Variants in ZNF704 observed in about 807,000 individuals in gnomAD.
The protein encoded by ZNF704 is zinc finger protein 704, also known as glucocorticoid induced gene 1.
Under a neutral mutation model 44.7 loss-of-function variants are expected in ZNF704, and 10 were observed. The ratio of observed to expected loss-of-function variants is 0.22; its 90% CI spans 0.14 to 0.38. The LOEUF (loss-of-function observed/expected upper bound fraction) is 0.38, where lower values mean the gene tolerates loss of function less well. Among genes scored for constraint, ZNF704 ranks in the 10% least tolerant of loss-of-function variants. The probability of loss-of-function intolerance (pLI) is 1.00; values close to 1 mark genes in which losing one functional copy is unlikely to be tolerated. For synonymous variants in ZNF704, 211 were observed against 207.6 expected (o/e 1.02, Z -0.14); for missense variants, 390 against 545.5 (o/e 0.71, Z 2.84).
At chr8:80,814,598 G>A (rs1380910712) in intron 2 of ZNF704, among the ~76,000 whole-genome samples, 1 of 152,076 alleles carries the variant, frequency 6.6e-6, no homozygotes, top group African/African-American at 2.4e-5. Flanking sequence ...GTTCTTAAGG[G>A]GAGTCCACCA....
chr8:80,724,591 C>A (rs889000222), intron 2 of ZNF704, among the ~76,000 whole-genome samples: 1 of 152,176 alleles, frequency 6.6e-6, no homozygotes, highest in Non-Finnish European at 1.5e-5. Flanking sequence ...CTCCTGCCTG[C>A]CATTAATGAA....
chr8:80,629,641 T>C lies in ZNF704; in HGVS notation c.*11725A>G, dbSNP rs1168284455. 6.6e-6 allele frequency: 1 copy of C among 152,176 alleles called. No individual in the cohort carries two copies. Among genetic ancestry groups the C allele is most frequent in the African/African-American group, 2.4e-5 (1 of 41,414 alleles). The allele number at this position is 152,176 out of a possible 1,614,324, so 9.4% of individuals were successfully genotyped here. A position where few individuals can be genotyped will look rare whatever the true frequency, so the allele number is the denominator to read the frequency against. ...CAAGAGGGCTGAAGAAATTTGTGGA[T>C]ATTCTATATAGACTTTCCAAAATAT... On this transcript the variant is annotated 3_prime_UTR_variant, in exon 9 of 9. Coordinates refer to ENST00000327835, the MANE Select transcript of ZNF704 (RefSeq NM_001033723.3).
At chr8:80,877,185 GAAAAAA>G (rs5892744), upstream of ZNF704, among the ~76,000 whole-genome samples, 1 of 59,680 alleles carries the variant, frequency 1.7e-5, no homozygotes, top group African/African-American at 5.8e-5. Context: ...CTCTGAATGG[GAAAAAA>G]AAAAAAAAAA....
chr8:80,668,843 C>T (rs1212818181), intron 5 of ZNF704, among the ~76,000 whole-genome samples: 1 of 152,182 alleles, frequency 6.6e-6, no homozygotes, highest in East Asian at 1.9e-4. Flanking sequence ...TGGATAAAGG[C>T]AAATGTATGT....
intron 2 of ZNF704, among the ~76,000 whole-genome samples, chr8:80,805,546 T>A (rs189942249): frequency 3.9e-4 from 60 of 152,338 alleles, no homozygotes; most frequent in Non-Finnish European, 7.2e-4. Flanking sequence ...AGTCAAGGAA[T>A]GAACATACAA....
chr8:80,791,169 G>T (rs936459467), intron 2 of ZNF704, among the ~76,000 whole-genome samples: 1 of 152,140 alleles, frequency 6.6e-6, no homozygotes, highest in Admixed American at 6.5e-5. Context: ...ATGGAATTAG[G>T]ATGAGAGTGT....
In ZNF704 at chr8:80,788,584, T is replaced by C. The variant is rs140817612; in HGVS notation, c.221+32790A>G. 2.4e-3 allele frequency among the ~76,000 whole-genome samples: 366 copies of C among 152,310 alleles called. 1 individual carries two copies. The highest frequency in any genetic ancestry group is 4.0e-3 in the Non-Finnish European group (273 of 68,024). On this transcript the variant is annotated intron_variant, in intron 2 of 8. Coordinates refer to ENST00000327835, the MANE Select transcript of ZNF704 (RefSeq NM_001033723.3). The stretch of plus-strand genomic sequence containing the variant: ...TTTACCTTTTGTTCTCTGAATTTCA[T>C]CTTGTGTCTGCCTGGCAAAAAGTGT...
intron 2 of ZNF704, among the ~76,000 whole-genome samples, chr8:80,808,514 A>G (rs1224651477): frequency 1.3e-5 from 2 of 152,244 alleles, no homozygotes; most frequent in Non-Finnish European, 2.9e-5. Flanking sequence ...GAATGAGTCA[A>G]AAGAGAAACT....
intron 4 of ZNF704, among the ~76,000 whole-genome samples, chr8:80,676,923 C>T (rs775011596): frequency 2.0e-5 from 3 of 152,160 alleles, no homozygotes; most frequent in Non-Finnish European, 4.4e-5. Flanking sequence ...TGCTGTGTGG[C>T]GGGGTTCCTA....
intron 2 of ZNF704, among the ~76,000 whole-genome samples, chr8:80,743,182 T>A (rs1806789885): frequency 8.1e-6 from 1 of 122,898 alleles, no homozygotes; most frequent in African/African-American, 3.9e-5. Flanking sequence ...CTATTACATC[T>A]TGCAACTGCA....
chr8:80,660,343 G>A (rs1818080582), intron 6 of ZNF704, among the ~76,000 whole-genome samples: 1 of 151,804 alleles, frequency 6.6e-6, no homozygotes, highest in East Asian at 1.9e-4. Context: ...GTGGTGGAGT[G>A]TATCTGTAGT....
At position 80,636,924 on chromosome 8, in the gene ZNF704, G is replaced by A. The variant is rs981729404; in HGVS notation, c.*4442C>T. The A allele has an allele frequency of 6.6e-6, 1 of 152,144 alleles. No individual in the cohort carries two copies. The highest frequency in any genetic ancestry group is 6.5e-5 in the Admixed American group (1 of 15,274). 9.4% of individuals were successfully genotyped at this position (152,144 alleles called of 1,614,324 possible). ...TCGTTCACGGCTTGCTTTCGCCTAC[G>A]GAATTCTGCTGATAGCTAATAAACA... On this transcript the variant is annotated 3_prime_UTR_variant, in exon 9 of 9. Transcript: ENST00000327835.
At chr8:80,647,731 C>G (rs541218708) in intron 7 of ZNF704, among the ~76,000 whole-genome samples, 21 of 152,076 alleles carry the variant, frequency 1.4e-4, no homozygotes, top group Non-Finnish European at 2.6e-4. Context: ...ATTGAGGAGT[C>G]AAGGATGAAT....
At chr8:80,849,696 A>G (rs1808825566) in intron 1 of ZNF704, among the ~76,000 whole-genome samples, 1 of 152,232 alleles carries the variant, frequency 6.6e-6, no homozygotes, top group South Asian at 2.1e-4. Context: ...GTAAGAAAGA[A>G]TATCATTTGG....
chr8:80,883,257 A>T, the ZNF704 span, among the ~76,000 whole-genome samples: 1 of 151,408 alleles, frequency 6.6e-6, no homozygotes, highest in Non-Finnish European at 1.5e-5. Context: ...AAAAAAAAAA[A>T]AAAAAAAAGA....
chr8:80,784,105 T>G (rs1807577363), intron 2 of ZNF704, among the ~76,000 whole-genome samples: 1 of 152,222 alleles, frequency 6.6e-6, no homozygotes, highest in African/African-American at 2.4e-5. Flanking sequence ...GCTTGATAGC[T>G]CCTGCCTTTT....
At chr8:80,844,951 A>C (rs148321630) in intron 1 of ZNF704, among the ~76,000 whole-genome samples, 1 of 152,126 alleles carries the variant, frequency 6.6e-6, no homozygotes, top group East Asian at 1.9e-4. Flanking sequence ...AAGTGCTGGT[A>C]TTACAGGCAT....
chr8:80,650,057 T>A (rs1817891952), intron 7 of ZNF704, among the ~76,000 whole-genome samples: 1 of 152,210 alleles, frequency 6.6e-6, no homozygotes, highest in South Asian at 2.1e-4. Context: ...AAACAGGGTC[T>A]GGAGTGGACC....
chr8:80,645,114 C>T (rs1276960554), intron 7 of ZNF704: 53 of 1,601,716 alleles, frequency 3.3e-5, no homozygotes, highest in Non-Finnish European at 4.4e-5. Context: ...CATGACATGT[C>T]GATACTCAAA....
Sources: gnomAD v4.1 joint callset for allele counts (sites outside exome capture counted in the v4.1 genomes callset) on GRCh38, gnomAD v4.1.1 for gene constraint, MANE v1.5 for transcripts, NCBI Gene and HGNC (gene_info 2026-07-23, HGNC 2026-07-21) for gene names.